LIPA: variants seen among roughly 807,000 people sequenced by gnomAD.
LIPA encodes the protein lysosomal acid lipase/cholesteryl ester hydrolase.
A neutral mutation model predicts 40.6 loss-of-function variants in LIPA; 26 were observed. The ratio of observed to expected loss-of-function variants is 0.64; its 90% CI spans 0.47 to 0.89. LIPA has a LOEUF of 0.89. Among genes scored for constraint, LIPA ranks in the 40% least tolerant of loss-of-function variants. The probability of loss-of-function intolerance (pLI) is 0.00; values close to 1 mark genes in which losing one functional copy is unlikely to be tolerated. For missense variants in LIPA, 455 were observed against 479.6 expected (o/e 0.95, Z 0.48); for synonymous variants, 188 against 168.4 (o/e 1.12, Z -0.90).
intron 1 of LIPA, among the ~76,000 whole-genome samples, chr10:89,275,252 T>C (rs1301991256): frequency 6.6e-6 from 1 of 152,160 alleles, no homozygotes; most frequent in Non-Finnish European, 1.5e-5. Context: ...ATCTCCTGGG[T>C]TAACTCCTTG....
chr10:89,241,747 C>T (rs1229329487), intron 3 of LIPA, among the ~76,000 whole-genome samples: 1 of 152,156 alleles, frequency 6.6e-6, no homozygotes, highest in Non-Finnish European at 1.5e-5. Flanking sequence ...TGCCACTTCA[C>T]CCACTCGGCA....
chr10:89,222,507 C>A lies in LIPA; in HGVS notation c.894+4G>T. Reference sequence around the variant, plus strand: ...AACCCCAAATGCACTCCTGGAATGCCTACCTGGCTCCAGTGTAACATGTTT... The same window carrying A: ...AACCCCAAATGCACTCCTGGAATGCATACCTGGCTCCAGTGTAACATGTTT... On this transcript the variant is annotated splice_donor_region_variant and intron_variant, in intron 8 of 9. Coordinates refer to ENST00000336233, the MANE Select transcript of LIPA (RefSeq NM_000235.4). The A allele has an allele frequency of 6.3e-7, 1 of 1,597,572 alleles. No individual in the cohort carries two copies. Among genetic ancestry groups the A allele is most frequent in the East Asian group, 2.2e-5 (1 of 44,804 alleles).
intron 3 of LIPA, among the ~76,000 whole-genome samples, chr10:89,229,171 G>T (rs1179058583): frequency 6.6e-6 from 1 of 152,180 alleles, no homozygotes; most frequent in Non-Finnish European, 1.5e-5. Context: ...GTATTACTCA[G>T]CCCTAAAAGG....
At chr10:89,385,672 C>T (rs940081579) in intron 2 of LIPA, among the ~76,000 whole-genome samples, 1 of 152,166 alleles carries the variant, frequency 6.6e-6, no homozygotes, top group African/African-American at 2.4e-5. Flanking sequence ...AGTTCTATTT[C>T]CCAAGGCCCT....
chr10:89,238,409 C>A (rs1842930134), intron 3 of LIPA, among the ~76,000 whole-genome samples: 1 of 152,198 alleles, frequency 6.6e-6, no homozygotes, highest in Non-Finnish European at 1.5e-5. Flanking sequence ...CTTTACAACA[C>A]TGACGCTTCT....
At chr10:89,263,667 A>G (rs559715474) in intron 1 of LIPA, among the ~76,000 whole-genome samples, 1 of 152,376 alleles carries the variant, frequency 6.6e-6, no homozygotes, top group Non-Finnish European at 1.5e-5. Flanking sequence ...TTTTCCAGCC[A>G]GAAGCCTGTG....
At chr10:89,276,952 T>C (rs1843292201) in intron 1 of LIPA, among the ~76,000 whole-genome samples, 1 of 152,204 alleles carries the variant, frequency 6.6e-6, no homozygotes, top group African/African-American at 2.4e-5. Context: ...CCCAGAGCCC[T>C]GTCTCGACCC....
intron 1 of LIPA, among the ~76,000 whole-genome samples, chr10:89,331,470 G>A (rs1301998492): frequency 1.3e-5 from 2 of 152,156 alleles, no homozygotes; most frequent in Non-Finnish European, 2.9e-5. Context: ...TCCGTGCCTG[G>A]CCAACATTTT....
intron 2 of LIPA, among the ~76,000 whole-genome samples, chr10:89,359,284 T>C: frequency 6.6e-6 from 1 of 152,224 alleles, no homozygotes; most frequent in Non-Finnish European, 1.5e-5. Context: ...CCAAAATATA[T>C]ATAACTATTA....
At chr10:89,325,942 T>G (rs1284064929) in intron 1 of LIPA, among the ~76,000 whole-genome samples, 1 of 152,086 alleles carries the variant, frequency 6.6e-6, no homozygotes, top group African/African-American at 2.4e-5. Context: ...CAATAACAAA[T>G]GCTGGCAAGG....
intron 1 of LIPA, among the ~76,000 whole-genome samples, chr10:89,320,360 T>C (rs570361155): frequency 2.3e-3 from 349 of 152,308 alleles, no homozygotes; most frequent in African/African-American, 7.9e-3. Context: ...GATAAGCAAC[T>C]TCAGCAAAGT....
intron 2 of LIPA, among the ~76,000 whole-genome samples, chr10:89,395,422 T>C (rs1318981205): frequency 6.6e-6 from 1 of 152,216 alleles, no homozygotes; most frequent in Non-Finnish European, 1.5e-5. Flanking sequence ...GCAAGGCATA[T>C]TACCCTCTTC....
At chr10:89,384,611 A>T in intron 2 of LIPA, 1 of 1,614,206 alleles carries the variant, frequency 6.2e-7, no homozygotes, top group South Asian at 1.1e-5. Flanking sequence ...ATTCACCAGA[A>T]TGTACGGGTT....
chr10:89,322,295 G>C (rs1206685222), intron 1 of LIPA, among the ~76,000 whole-genome samples: 1 of 152,180 alleles, frequency 6.6e-6, no homozygotes, highest in Non-Finnish European at 1.5e-5. Flanking sequence ...ATCACGGAAA[G>C]GAAACAAAAG....
chr10:89,274,727 G>A (rs138532545), intron 1 of LIPA, among the ~76,000 whole-genome samples: 1 of 152,272 alleles, frequency 6.6e-6, no homozygotes, highest in East Asian at 1.9e-4. Flanking sequence ...GGATAAGGAT[G>A]GCCACCAGAA....
chr10:89,305,981 T>C (rs1252095787), intron 1 of LIPA: 1 of 1,612,514 alleles, frequency 6.2e-7, no homozygotes, highest in Non-Finnish European at 8.5e-7. Context: ...TAAGAATTCC[T>C]TGGAGAGCAG....
chr10:89,272,085 TA>T (rs900449911), intron 1 of LIPA, among the ~76,000 whole-genome samples: 5 of 151,888 alleles, frequency 3.3e-5, no homozygotes, highest in African/African-American at 1.2e-4. Context: ...AAAAAAAATT[TA>T]AAAAAAACTT....
intron 1 of LIPA, among the ~76,000 whole-genome samples, chr10:89,330,315 CT>C (rs1198562908): frequency 1.3e-5 from 2 of 152,246 alleles, no homozygotes; most frequent in Non-Finnish European, 2.9e-5. Flanking sequence ...GGGCAAATTA[CT>C]TGCCCAAGAC....
chr10:89,287,641 T>A (rs11203059), intron 1 of LIPA, among the ~76,000 whole-genome samples: 30,011 of 151,948 alleles, frequency 0.2, 3,984 homozygotes, highest in East Asian at 0.66. Flanking sequence ...CCCCTTACCA[T>A]CCCATTAAAA....
Sources: gnomAD v4.1 joint callset for allele counts (sites outside exome capture counted in the v4.1 genomes callset) on GRCh38, gnomAD v4.1.1 for gene constraint, MANE v1.5 for transcripts, NCBI Gene and HGNC (gene_info 2026-07-23, HGNC 2026-07-21) for gene names.